Variants in SPAST observed in about 807,000 individuals in gnomAD.
The protein encoded by SPAST is spastic paraplegia 4 (autosomal dominant; spastin).
A neutral mutation model predicts 76.6 loss-of-function variants in SPAST; 30 were observed. That is an observed-to-expected ratio of 0.39 (90% CI 0.29 to 0.53). The LOEUF (loss-of-function observed/expected upper bound fraction) is 0.53. Among genes scored for constraint, SPAST ranks in the 20% least tolerant of loss-of-function variants. SPAST has a pLI of 0.68. For missense variants in SPAST, 717 were observed against 770.5 expected (o/e 0.93, Z 0.82); for synonymous variants, 305 against 281.0 (o/e 1.09, Z -0.86).
In SPAST at chr2:32,070,970, T is replaced by C. The variant is rs78605745; in HGVS notation, c.415+6724T>C. Among the ~76,000 whole-genome samples, 1,073 of 152,326 alleles carry C rather than the reference T, an allele frequency of 7.0e-3. 14 individuals carry two copies. The highest frequency in any genetic ancestry group is 0.024 in the African/African-American group (1,008 of 41,572). On this transcript the variant is annotated intron_variant, in intron 1 of 16. Coordinates refer to ENST00000315285, the MANE Select transcript of SPAST (RefSeq NM_014946.4). ...GAAACAAAAATAGAATTTAAGTGAA[T>C]GGACTCAAAATATTGTACTTTTTAC...
At chr2:32,093,041 C>A (rs1279621184) in intron 3 of SPAST, among the ~76,000 whole-genome samples, 1 of 147,688 alleles carries the variant, frequency 6.8e-6, no homozygotes, top group Non-Finnish European at 1.5e-5. Context: ...GTGGCTCACA[C>A]CTGTAATCCT....
chr2:32,120,081 CT>C (rs1678968111), intron 7 of SPAST, among the ~76,000 whole-genome samples: 2 of 151,420 alleles, frequency 1.3e-5, no homozygotes, highest in South Asian at 4.2e-4. Flanking sequence ...TGGCCTTAGG[CT>C]TAAGTGATCC....
intron 4 of SPAST, 138 bp downstream of exon 4, chr2:32,099,029 A>G (rs755382747): frequency 2.5e-5 from 18 of 707,930 alleles, no homozygotes; most frequent in South Asian, 6.1e-5. Flanking sequence ...TTGAAAATAT[A>G]GTACCTTTAT....
intron 4 of SPAST, among the ~76,000 whole-genome samples, chr2:32,109,587 CT>C (rs997443919): frequency 1.7e-4 from 25 of 146,508 alleles, no homozygotes; most frequent in African/African-American, 2.2e-4. Context: ...ATAATGATTC[CT>C]TTTTTTTTTC....
chr2:32,079,353 A>T (rs577947935), intron 1 of SPAST, among the ~76,000 whole-genome samples: 28 of 151,836 alleles, frequency 1.8e-4, no homozygotes, highest in African/African-American at 5.8e-4. Flanking sequence ...CCCTGTCTTT[A>T]GAAAAAAATT....
At position 32,156,331 on chromosome 2, in the gene SPAST, C is replaced by G. The variant is rs553247666; in HGVS notation, c.*1835C>G. 6.6e-6 allele frequency: 1 copy of G among 152,278 alleles called. No individual in the cohort carries two copies. The highest frequency in any genetic ancestry group is 1.9e-4 in the East Asian group (1 of 5,184). 9.4% of individuals were successfully genotyped at this position (152,278 alleles called of 1,614,324 possible). A position where few individuals can be genotyped will look rare whatever the true frequency, so the allele number is the denominator to read the frequency against. On this transcript the variant is annotated 3_prime_UTR_variant, in exon 17 of 17. Coordinates refer to ENST00000315285, the MANE Select transcript of SPAST (RefSeq NM_014946.4). ...GGATTACAGGCATAAGCCACTGCGC[C>G]CAGCCAGAAGATGCATGATTTCTTA...
chr2:32,084,046 C>T (rs899867537), intron 1 of SPAST, among the ~76,000 whole-genome samples: 1 of 151,390 alleles, frequency 6.6e-6, no homozygotes, highest in Admixed American at 6.6e-5. Context: ...CCCAAAAGTG[C>T]TGGGATTACA....
intron 1 of SPAST, among the ~76,000 whole-genome samples, chr2:32,079,400 A>G (rs909620951): frequency 4.0e-5 from 6 of 151,414 alleles, no homozygotes; most frequent in African/African-American, 1.5e-4. Flanking sequence ...GGTCCCAGCT[A>G]TTCAAGAGGC....
At chr2:32,134,807 C>G (rs577131734) in intron 9 of SPAST, among the ~76,000 whole-genome samples, 15 of 151,998 alleles carry the variant, frequency 9.9e-5, no homozygotes, top group African/African-American at 3.6e-4. Context: ...GCAATTCTCC[C>G]ACGTCAGCCT....
chr2:32,124,963 CAT>C (rs1436618096), intron 7 of SPAST, among the ~76,000 whole-genome samples: 5 of 152,136 alleles, frequency 3.3e-5, no homozygotes, highest in Non-Finnish European at 5.9e-5. Context: ...ATGGTGGATA[CAT>C]GTCATTATAC....
intron 4 of SPAST, among the ~76,000 whole-genome samples, chr2:32,101,725 A>AT (rs1678133182): frequency 6.6e-6 from 1 of 152,238 alleles, no homozygotes; most frequent in Non-Finnish European, 1.5e-5. Context: ...CATTTATTAA[A>AT]TAGGAAATCC....
chr2:32,150,929 C>A (rs143371878), intron 16 of SPAST, among the ~76,000 whole-genome samples: 3 of 149,422 alleles, frequency 2.0e-5, no homozygotes, highest in African/African-American at 7.4e-5. Context: ...TATATTGTTA[C>A]AATATTTGGT....
At chr2:32,098,011 A>G (rs1677986481) in intron 3 of SPAST, among the ~76,000 whole-genome samples, 2 of 151,722 alleles carry the variant, frequency 1.3e-5, no homozygotes, top group African/African-American at 4.8e-5. Flanking sequence ...CTTTCTTTTA[A>G]TCTTTTCAAA....
intron 3 of SPAST, among the ~76,000 whole-genome samples, chr2:32,097,149 T>C (rs1677945968): frequency 6.6e-6 from 1 of 152,210 alleles, no homozygotes. Flanking sequence ...TTCAGCACAA[T>C]ACTCCACTTG....
At chr2:32,103,762 T>C (rs895048409) in intron 4 of SPAST, among the ~76,000 whole-genome samples, 23 of 152,184 alleles carry the variant, frequency 1.5e-4, no homozygotes, top group Admixed American at 1.4e-3. Flanking sequence ...TCAGTTTCCA[T>C]GTAGTTGTGT....
chr2:32,068,268 G>T (rs566484924), intron 1 of SPAST, among the ~76,000 whole-genome samples: 3 of 151,384 alleles, frequency 2.0e-5, no homozygotes, highest in Non-Finnish European at 4.4e-5. Flanking sequence ...GTGAGCCACC[G>T]CGCCCGGCAC....
At chr2:32,108,385 T>C (rs1441073483) in intron 4 of SPAST, among the ~76,000 whole-genome samples, 1 of 152,210 alleles carries the variant, frequency 6.6e-6, no homozygotes, top group East Asian at 1.9e-4. Context: ...TGGTTTCATA[T>C]ACAATGCTTT....
At chr2:32,066,532 G>A (rs909257261) in intron 1 of SPAST, among the ~76,000 whole-genome samples, 1 of 151,962 alleles carries the variant, frequency 6.6e-6, no homozygotes, top group Non-Finnish European at 1.5e-5. Flanking sequence ...GCTGGGCATG[G>A]TGACACATGC....
At chr2:32,149,508 C>T (rs114667748) in intron 16 of SPAST, among the ~76,000 whole-genome samples, 1 of 152,072 alleles carries the variant, frequency 6.6e-6, no homozygotes, top group Non-Finnish European at 1.5e-5. Context: ...ATGGTCATAA[C>T]TCTGTGAGCA....
Sources: allele counts gnomAD v4.1 joint callset (sites outside exome capture counted in the v4.1 genomes callset), GRCh38; gene constraint gnomAD v4.1.1; transcripts MANE v1.5; gene names NCBI Gene and HGNC (gene_info 2026-07-23, HGNC 2026-07-21).